Variants in WFDC5 observed in about 807,000 individuals in gnomAD.
WFDC5 encodes WAP four-disulfide core domain 5.
In WFDC5, 15 loss-of-function variants were observed where a neutral mutation model predicts 15.7. That is an observed-to-expected ratio of 0.96 (90% CI 0.64 to 1.47). WFDC5 has a LOEUF of 1.47. Ranked by LOEUF, WFDC5 falls within the 40% of genes most tolerant of loss-of-function variation. The pLI is 0.00. For missense variants in WFDC5, 280 were observed against 258.0 expected, an observed-to-expected ratio of 1.09 and a Z score of -0.59; for synonymous variants, 109 against 107.7, an observed-to-expected ratio of 1.01 and a Z score of -0.07.
exon 4 of WFDC5, chr20:45,109,879 A>G (rs2145523166): frequency 7.5e-7 from 1 of 1,330,148 alleles, no homozygotes; most frequent in African/African-American, 1.4e-5. Context: ...CAGGCCAGTG[A>G]TTATCAGAAG....
At chr20:45,115,754 T>C (rs1179954922), upstream of WFDC5, among the ~76,000 whole-genome samples, 1 of 152,172 alleles carries the variant, frequency 6.6e-6, no homozygotes, top group African/African-American at 2.4e-5. Flanking sequence ...TTGGCTTGGC[T>C]AAGTTTGCTG....
intron 3 of WFDC5, 83 bp downstream of exon 3, chr20:45,110,317 T>C (rs1981574019): frequency 2.0e-6 from 3 of 1,532,202 alleles, no homozygotes; most frequent in Non-Finnish European, 1.8e-6. Flanking sequence ...GGAGGCATCC[T>C]GTTAAGCTTG....
At chr20:45,115,328 G>A (rs1981734965), upstream of WFDC5, among the ~76,000 whole-genome samples, 1 of 152,206 alleles carries the variant, frequency 6.6e-6, no homozygotes, top group South Asian at 2.1e-4. Context: ...GCCTGTATCG[G>A]TGACTTGGGC....
rs75193418 is a variant in WFDC5, at chr20:45,113,429, G to A, written c.85+1570C>T. On this transcript the variant is annotated intron_variant, in intron 1 of 3. Coordinates refer to ENST00000307971, the Ensembl canonical transcript of WFDC5. ...ACCTGCCCATGCAGAGTGGCCCTGCGCAGGCTCGGTTTCTGCTGTGCCAGC... is the reference window on the plus strand; with the variant it reads ...ACCTGCCCATGCAGAGTGGCCCTGCACAGGCTCGGTTTCTGCTGTGCCAGC... Among the ~76,000 whole-genome samples, 59 of 152,350 alleles carry A rather than the reference G, an allele frequency of 3.9e-4. 2 individuals carry two copies. The East Asian group carries it at 9.8e-3, about 25-fold the overall frequency.
exon 4 of WFDC5, chr20:45,109,918 C>A (rs2064036213): frequency 6.5e-7 from 1 of 1,543,102 alleles, no homozygotes; most frequent in Non-Finnish European, 9.0e-7. Context: ...AGAGATAGTG[C>A]TGTCCAGCGG....
intron 1 of WFDC5, among the ~76,000 whole-genome samples, chr20:45,113,884 C>T (rs976632139): frequency 4.6e-5 from 7 of 152,176 alleles, no homozygotes; most frequent in African/African-American, 1.4e-4. Context: ...TCAGCTCCTT[C>T]CTATGTTGGG....
In WFDC5 at chr20:45,114,994, C is replaced by A. The variant is rs778109270; in HGVS notation, c.85+5G>T. The A allele has an allele frequency of 6.2e-7, 1 of 1,613,376 alleles. No individual in the cohort carries two copies. Among genetic ancestry groups the A allele is most frequent in the Admixed American group, 1.7e-5 (1 of 59,960 alleles). On this transcript the variant is annotated splice_donor_5th_base_variant and intron_variant, in intron 1 of 3. Coordinates refer to ENST00000307971, the Ensembl canonical transcript of WFDC5. ...CCCCCCAGCAGAGGGATTTCCCGCA[C>A]TCACCTCCCTTCTTCCTGCCAAAGA... is the stretch of plus-strand genomic sequence containing the variant.
intron 1 of WFDC5, among the ~76,000 whole-genome samples, chr20:45,111,746 G>A (rs6031999): frequency 0.028 from 4,220 of 152,210 alleles, 126 homozygotes; most frequent in African/African-American, 0.082. Flanking sequence ...CCTCCTCCAT[G>A]TAGAGGAGGA....
At chr20:45,111,627 C>T (rs1191996877) in intron 1 of WFDC5, among the ~76,000 whole-genome samples, 1 of 152,198 alleles carries the variant, frequency 6.6e-6, no homozygotes, top group Non-Finnish European at 1.5e-5. Context: ...GTCTCTGAGG[C>T]GTTCCTCTGA....
At chr20:45,115,163 G>A (rs1339257099), upstream of WFDC5, 5 of 1,333,064 alleles carry the variant, frequency 3.8e-6, no homozygotes, top group Admixed American at 2.0e-5. Context: ...ACTTAGTCAG[G>A]AGAGGAAAGA....
intron 1 of WFDC5, among the ~76,000 whole-genome samples, chr20:45,113,263 A>G (rs1469854452): frequency 6.6e-6 from 1 of 152,218 alleles, no homozygotes. Flanking sequence ...TCCACAGGCA[A>G]CAAACTGAGA....
exon 2 of WFDC5, chr20:45,110,732 T>C (rs781662549): frequency 3.8e-5 from 62 of 1,614,024 alleles, no homozygotes; most frequent in Middle Eastern, 3.3e-4. Flanking sequence ...CAGGCACCGA[T>C]AGGAGGCAGG....
chr20:45,115,881 T>C (rs1313634611), upstream of WFDC5, among the ~76,000 whole-genome samples: 2 of 152,146 alleles, frequency 1.3e-5, no homozygotes, highest in Non-Finnish European at 2.9e-5. Flanking sequence ...TGATGTTGCC[T>C]CCTGCATTTG....
chr20:45,116,146 G>T (rs1981754560), upstream of WFDC5, among the ~76,000 whole-genome samples: 1 of 152,250 alleles, frequency 6.6e-6, no homozygotes, highest in Non-Finnish European at 1.5e-5. Context: ...AGAAAGGAGG[G>T]TGATATTACA....
upstream of WFDC5, chr20:45,115,322 G>T (rs895952596): frequency 7.7e-6 from 4 of 519,308 alleles, no homozygotes; most frequent in African/African-American, 1.9e-5. Context: ...AGTCTTGCCT[G>T]TATCGGTGAC....
chr20:45,110,893 T>A, intron 1 of WFDC5, 118 bp from the exon 2 acceptor site: 1 of 1,378,778 alleles, frequency 7.3e-7, no homozygotes, highest in Non-Finnish European at 9.8e-7. Flanking sequence ...GTCTTTTGGC[T>A]AGTTGTTATT....
chr20:45,115,199 C>T (rs1981729774), upstream of WFDC5: 3 of 938,922 alleles, frequency 3.2e-6, no homozygotes, highest in Admixed American at 2.7e-5. Flanking sequence ...GACACCGTGC[C>T]TGCTTCATCT....
At chr20:45,114,430 A>G (rs894332331) in intron 1 of WFDC5, among the ~76,000 whole-genome samples, 1 of 152,024 alleles carries the variant, frequency 6.6e-6, no homozygotes, top group African/African-American at 2.4e-5. Flanking sequence ...TCCTCCCCAC[A>G]AAGCCCAGAT....
intron 1 of WFDC5, among the ~76,000 whole-genome samples, chr20:45,112,134 C>T (rs1981637100): frequency 1.3e-5 from 2 of 150,100 alleles, no homozygotes; most frequent in South Asian, 2.1e-4. Context: ...AGAGGCTTGG[C>T]GTGGGGAGGG....
Sources: gnomAD v4.1 joint callset for allele counts (sites outside exome capture counted in the v4.1 genomes callset) on GRCh38, gnomAD v4.1.1 for gene constraint, MANE v1.5 for transcripts, NCBI Gene and HGNC (gene_info 2026-07-23, HGNC 2026-07-21) for gene names.